Variants in RNLS observed in about 807,000 individuals in gnomAD.
RNLS encodes the protein renalase, FAD dependent amine oxidase, also known as renalase.
RNLS carries 39 observed loss-of-function variants against 39.8 expected under a neutral mutation model. The observed-to-expected ratio is 0.98, with a 90% CI of 0.76 to 1.28. The LOEUF is 1.28. Ranked by LOEUF, RNLS falls within the 50% of genes most tolerant of loss-of-function variation. The probability of loss-of-function intolerance (pLI) is 0.00; values close to 1 mark genes in which losing one functional copy is unlikely to be tolerated. For missense variants in RNLS, 410 were observed against 413.3 expected, an observed-to-expected ratio of 0.99 and a Z score of 0.07; for synonymous variants, 147 against 150.7, an observed-to-expected ratio of 0.98 and a Z score of 0.18.
At chr10:88,570,252 A>T (rs926786651) in intron 4 of RNLS, among the ~76,000 whole-genome samples, 2 of 152,214 alleles carry the variant, frequency 1.3e-5, no homozygotes, top group Non-Finnish European at 2.9e-5. Context: ...AATAAGGTCC[A>T]TTGTCAATAT....
intron 4 of RNLS, among the ~76,000 whole-genome samples, chr10:88,426,168 CAAG>C (rs1249547875): frequency 6.6e-6 from 1 of 151,902 alleles, no homozygotes; most frequent in Non-Finnish European, 1.5e-5. Context: ...TCTTTGTACT[CAAG>C]AAGATCACAG....
At chr10:88,348,574 G>C (rs997659886) in intron 5 of RNLS, among the ~76,000 whole-genome samples, 6 of 152,124 alleles carry the variant, frequency 3.9e-5, no homozygotes, top group Non-Finnish European at 2.9e-5. Flanking sequence ...CTGTAATTTG[G>C]ACTTGTTTAT....
chr10:88,582,405 A>T (rs1383924256), intron 1 of RNLS, 98 bp from the exon 2 acceptor site: 2 of 901,512 alleles, frequency 2.2e-6, no homozygotes, highest in Non-Finnish European at 3.3e-6. Context: ...TTACTTCAAA[A>T]ATATCTTAAG....
chr10:88,364,909 AAAAAC>A (rs1181947781), intron 4 of RNLS, among the ~76,000 whole-genome samples: 3 of 152,164 alleles, frequency 2.0e-5, no homozygotes, highest in Non-Finnish European at 2.9e-5. Flanking sequence ...TTTTAAATAA[AAAAAC>A]AAAACAAAAC....
chr10:88,385,366 G>C (rs751652460), intron 4 of RNLS, among the ~76,000 whole-genome samples: 6 of 151,964 alleles, frequency 3.9e-5, no homozygotes, highest in African/African-American at 9.7e-5. Context: ...GCATTGCATG[G>C]GATATACTTA....
chr10:88,437,123 T>C (rs1257029195), intron 4 of RNLS, among the ~76,000 whole-genome samples: 1 of 152,202 alleles, frequency 6.6e-6, no homozygotes, highest in Non-Finnish European at 1.5e-5. Context: ...GCTATAAAAC[T>C]AAGACATTTT....
intron 4 of RNLS, among the ~76,000 whole-genome samples, chr10:88,375,225 C>CA (rs1218086125): frequency 4.6e-5 from 7 of 151,808 alleles, no homozygotes; most frequent in Admixed American, 2.0e-4. Context: ...TCAAAGAGAA[C>CA]AAAAAAACCC....
chr10:88,480,822 T>A (rs2134017661), intron 4 of RNLS, among the ~76,000 whole-genome samples: 1 of 152,118 alleles, frequency 6.6e-6, no homozygotes, highest in Non-Finnish European at 1.5e-5. Flanking sequence ...TGTGTGTGTA[T>A]GTGTTCTATT....
chr10:88,265,533 T>C, the RNLS span, among the ~76,000 whole-genome samples: 1 of 152,096 alleles, frequency 6.6e-6, no homozygotes, highest in Non-Finnish European at 1.5e-5. Context: ...CTTTCAGCAG[T>C]GTTTTGTAGT....
At chr10:88,450,834 A>G (rs972330621) in intron 4 of RNLS, among the ~76,000 whole-genome samples, 5 of 152,244 alleles carry the variant, frequency 3.3e-5, no homozygotes, top group Non-Finnish European at 7.3e-5. Context: ...AAAGAATATC[A>G]TATCTTTGTA....
intron 6 of RNLS, among the ~76,000 whole-genome samples, chr10:88,295,403 T>C (rs1844010700): frequency 6.6e-6 from 1 of 152,180 alleles, no homozygotes; most frequent in South Asian, 2.1e-4. Flanking sequence ...CCTGCAGAGA[T>C]GGTACATTTT....
downstream of RNLS, among the ~76,000 whole-genome samples, chr10:88,279,561 G>C (rs972467247): frequency 6.6e-6 from 1 of 152,078 alleles, no homozygotes; most frequent in African/African-American, 2.4e-5. Context: ...GAATTGAGCT[G>C]TTTAAAATGA....
chr10:88,243,486 C>G, the RNLS span, among the ~76,000 whole-genome samples: 2 of 152,150 alleles, frequency 1.3e-5, no homozygotes, highest in Non-Finnish European at 2.9e-5. Flanking sequence ...TTTTGTGAAC[C>G]CTTTTTGCAT....
chr10:88,381,962 T>A (rs1386454110), intron 4 of RNLS, among the ~76,000 whole-genome samples: 6 of 152,086 alleles, frequency 3.9e-5, no homozygotes, highest in Non-Finnish European at 5.9e-5. Flanking sequence ...TAAATAAAGT[T>A]TTATTGGAAC....
intron 4 of RNLS, among the ~76,000 whole-genome samples, chr10:88,412,120 G>GT (rs1165248539): frequency 6.6e-6 from 1 of 152,100 alleles, no homozygotes; most frequent in East Asian, 1.9e-4. Context: ...TAGGTGGAGA[G>GT]TAGAATGAAG....
intron 6 of RNLS, among the ~76,000 whole-genome samples, chr10:88,294,224 T>TAC (rs1843898170): frequency 6.6e-6 from 1 of 152,218 alleles, no homozygotes; most frequent in South Asian, 2.1e-4. Flanking sequence ...CATGCCTGTT[T>TAC]ACACACACAG....
At chr10:88,194,137 GAAC>G in the RNLS span, among the ~76,000 whole-genome samples, 2 of 152,172 alleles carry the variant, frequency 1.3e-5, no homozygotes, top group Admixed American at 1.3e-4. Context: ...TCTCTTCAAA[GAAC>G]AGCTGGGCCT....
chr10:88,333,812 T>C (rs34953613), intron 5 of RNLS, among the ~76,000 whole-genome samples: 11,775 of 152,208 alleles, frequency 0.077, 513 homozygotes, highest in Middle Eastern at 0.13. Flanking sequence ...TGAATGGGAC[T>C]AGTGACCTTA....
chr10:88,289,497 T>C (rs759415667), intron 6 of RNLS, among the ~76,000 whole-genome samples: 2 of 152,160 alleles, frequency 1.3e-5, no homozygotes, highest in Admixed American at 6.6e-5. Flanking sequence ...CTCTGAGGCA[T>C]TGTTGCTCAG....
Sources: allele counts gnomAD v4.1 joint callset (sites outside exome capture counted in the v4.1 genomes callset), GRCh38; gene constraint gnomAD v4.1.1; transcripts MANE v1.5; gene names NCBI Gene and HGNC (gene_info 2026-07-23, HGNC 2026-07-21).